The following GSR variants were observed in gnomAD, a reference collection of about 807,000 sequenced individuals.
GSR encodes glutathione-disulfide reductase.
In GSR, 48 loss-of-function variants were observed where a neutral mutation model predicts 56.5. That is an observed-to-expected ratio of 0.85 (90% CI 0.67 to 1.08). The LOEUF (loss-of-function observed/expected upper bound fraction) is 1.08, where lower values mean the gene tolerates loss of function less well. Among genes scored for constraint, GSR ranks in the 50% least tolerant of loss-of-function variants. The pLI is 0.00. For synonymous variants in GSR, 264 were observed against 270.8 expected (o/e 0.97, Z 0.25); for missense variants, 694 against 703.3 (o/e 0.99, Z 0.15).
intron 12 of GSR, 111 bp from the exon 13 acceptor site, chr8:30,679,780 G>A (rs527528459): frequency 3.7e-5 from 34 of 928,158 alleles, no homozygotes; most frequent in Admixed American, 6.3e-5. Context: ...ATCTCGGCTC[G>A]CTGCAACCTC....
intron 9 of GSR, among the ~76,000 whole-genome samples, chr8:30,684,871 C>T (rs985799998): frequency 2.6e-5 from 4 of 152,116 alleles, no homozygotes; most frequent in African/African-American, 9.7e-5. Flanking sequence ...TGCTTAGCCT[C>T]CCGAGTAGCT....
chr8:30,704,110 A>AGGTC (rs1803842304), intron 4 of GSR, among the ~76,000 whole-genome samples: 1 of 152,108 alleles, frequency 6.6e-6, no homozygotes, highest in South Asian at 2.1e-4. Flanking sequence ...AGATCACCTG[A>AGGTC]GGTCGGGAGT....
chr8:30,685,025 T>C (rs1803113721), intron 9 of GSR, among the ~76,000 whole-genome samples: 1 of 151,716 alleles, frequency 6.6e-6, no homozygotes, highest in South Asian at 2.1e-4. Context: ...GCTGGCGCGA[T>C]CTAGGCTCTC....
chr8:30,694,741 T>C (rs1393328698), intron 7 of GSR, among the ~76,000 whole-genome samples: 1 of 151,866 alleles, frequency 6.6e-6, no homozygotes, highest in East Asian at 1.9e-4. Context: ...CTGGGCAACA[T>C]GGTGAAACCT....
chr8:30,699,654 G>A (rs1341126505), intron 6 of GSR, among the ~76,000 whole-genome samples: 2 of 151,680 alleles, frequency 1.3e-5, no homozygotes, highest in Non-Finnish European at 2.9e-5. Flanking sequence ...ATGTTGGCCA[G>A]GCTGGTCTCG....
chr8:30,680,503 T>G (rs1053759669), intron 12 of GSR, among the ~76,000 whole-genome samples: 15 of 148,166 alleles, frequency 1.0e-4, no homozygotes, highest in Non-Finnish European at 3.0e-5. Flanking sequence ...CAAGTGATTC[T>G]CCTGCCTCAG....
At chr8:30,703,486 C>A (rs1057254138) in intron 4 of GSR, among the ~76,000 whole-genome samples, 1 of 152,130 alleles carries the variant, frequency 6.6e-6, no homozygotes, top group Non-Finnish European at 1.5e-5. Context: ...GTGGCTTACA[C>A]CTGTAATCCT....
intron 6 of GSR, among the ~76,000 whole-genome samples, chr8:30,697,408 T>C (rs8190991): frequency 2.8e-3 from 345 of 121,770 alleles, no homozygotes; most frequent in African/African-American, 9.1e-3. Context: ...AGCGAGACTC[T>C]GTCTCAAAAA....
chr8:30,692,578 T>C (rs1361399830), intron 8 of GSR, among the ~76,000 whole-genome samples: 2 of 137,664 alleles, frequency 1.5e-5, no homozygotes, highest in Non-Finnish European at 3.0e-5. Flanking sequence ...CTCGGCTCAC[T>C]GCAACCTCCA....
intron 1 of GSR, among the ~76,000 whole-genome samples, chr8:30,724,916 G>T (rs1288729852): frequency 6.6e-6 from 1 of 152,180 alleles, no homozygotes; most frequent in Non-Finnish European, 1.5e-5. Flanking sequence ...CAGGAGTAGA[G>T]GAGATAAGGC....
At chr8:30,695,478 C>T (rs1803513655) in intron 7 of GSR, among the ~76,000 whole-genome samples, 1 of 152,092 alleles carries the variant, frequency 6.6e-6, no homozygotes, top group Non-Finnish European at 1.5e-5. Context: ...AAGTGATCCG[C>T]CCGCCTCAGC....
intron 1 of GSR, among the ~76,000 whole-genome samples, chr8:30,715,147 G>A (rs574678447): frequency 6.6e-6 from 1 of 152,006 alleles, no homozygotes; most frequent in Non-Finnish European, 1.5e-5. Context: ...TAAAAAATTA[G>A]TTGGGTTTGG....
chr8:30,680,975 T>G lies in GSR; in HGVS notation c.1348A>C (p.Met450Leu). 5 of 1,611,526 alleles carry G rather than the reference T, an allele frequency of 3.1e-6. No homozygotes were observed. Among genetic ancestry groups the G allele is most frequent in the Non-Finnish European group, 3.4e-6 (4 of 1,177,718 alleles). The change falls in exon 12 of 13, where the codon ATG becomes CTG. Residue 450 changes from methionine (M) to leucine (L), a missense_variant. Coordinates refer to ENST00000221130, the MANE Select transcript of GSR (RefSeq NM_000637.5). ...TTCCTTTTGGTAACTGCGTGATACATCGGGGTAAAGCTCGTTGAATAGGTC... is the reference window on the plus strand; with the variant it reads ...TTCCTTTTGGTAACTGCGTGATACAGCGGGGTAAAGCTCGTTGAATAGGTC... ...VKTYSTSFTPMYHAVTKRKTK... is the reference protein window; with the variant it reads ...VKTYSTSFTPLYHAVTKRKTK...
Position 30,714,668 on chromosome 8 carries a change from C to A in GSR, c.307-2580G>T, listed in dbSNP as rs114402291. On this transcript the variant is annotated intron_variant, in intron 1 of 12. Coordinates refer to ENST00000221130, the MANE Select transcript of GSR (RefSeq NM_000637.5). ...AGCTACCATACGTGGCCTGTATATG[C>A]TTTTTATTTTATTTTTTAAATAAAA... 9.1e-3 allele frequency among the ~76,000 whole-genome samples: 1,377 copies of A among 151,806 alleles called. 21 individuals carry two copies. The highest frequency in any genetic ancestry group is 0.032 in the African/African-American group (1,324 of 41,398).
intron 12 of GSR, among the ~76,000 whole-genome samples, chr8:30,680,490 G>T (rs1802913323): frequency 6.8e-6 from 1 of 147,214 alleles, no homozygotes; most frequent in African/African-American, 2.5e-5. Flanking sequence ...CGCCTCCCAG[G>T]TTCAAGTGAT....
At chr8:30,702,339 A>G (rs1293145779) in intron 5 of GSR, among the ~76,000 whole-genome samples, 1 of 151,910 alleles carries the variant, frequency 6.6e-6, no homozygotes, top group Non-Finnish European at 1.5e-5. Context: ...AAATAAATAA[A>G]TAAATAATAA....
intron 12 of GSR, among the ~76,000 whole-genome samples, 182 bp from the exon 13 acceptor site, chr8:30,679,851 G>A (rs199879482): frequency 3.4e-4 from 51 of 150,946 alleles, no homozygotes; most frequent in Middle Eastern, 6.8e-3. Flanking sequence ...GATTACAGGC[G>A]CGCACCACCA....
In GSR at chr8:30,705,372, C is replaced by T. The variant is rs184639797; in HGVS notation, c.493-2132G>A. Among the ~76,000 whole-genome samples, 760 of 152,198 alleles carry T rather than the reference C, an allele frequency of 5.0e-3. 6 individuals are homozygous for T. The highest frequency in any genetic ancestry group is 0.017 in the African/African-American group (717 of 41,536). On this transcript the variant is annotated intron_variant, in intron 4 of 12. Transcript: ENST00000221130. ...CCGCCTCCAGGGTTCACGCCATTCT[C>T]CTGCCTCAGCCTTCCAAATAGCTGG... is the stretch of plus-strand genomic sequence containing the variant.
intron 6 of GSR, 141 bp downstream of exon 6, chr8:30,699,940 C>G: frequency 1.3e-6 from 1 of 761,830 alleles, no homozygotes; most frequent in South Asian, 1.4e-5. Flanking sequence ...ATGAGATATA[C>G]AAGGTCATGA....
Sources: gnomAD v4.1 joint callset for allele counts (sites outside exome capture counted in the v4.1 genomes callset) on GRCh38, gnomAD v4.1.1 for gene constraint, MANE v1.5 for transcripts, NCBI Gene and HGNC (gene_info 2026-07-23, HGNC 2026-07-21) for gene names.